TNMD: variants seen among roughly 807,000 people sequenced by gnomAD.
TNMD encodes tenomodulin.
In TNMD, 15 loss-of-function variants were observed where a neutral mutation model predicts 26.9. That is an observed-to-expected ratio of 0.56 (90% CI 0.37 to 0.86). TNMD has a LOEUF of 0.86. TNMD is among the 40% of genes least tolerant of loss of function. The pLI is 0.00. For missense variants in TNMD, 222 were observed against 242.6 expected (o/e 0.92, Z 0.56); for synonymous variants, 73 against 77.0 (o/e 0.95, Z 0.27).
chrX:100,586,366 G>A (rs2082921958), intron 2 of TNMD, among the ~76,000 whole-genome samples: 1 of 111,677 alleles, frequency 9.0e-6, no homozygotes, highest in African/African-American at 3.3e-5. Flanking sequence ...AATCCAGGAA[G>A]GAGGATGATA....
chrX:100,588,159 C>A (rs1477073603), intron 2 of TNMD, among the ~76,000 whole-genome samples: 1 of 111,563 alleles, frequency 9.0e-6, no homozygotes, highest in African/African-American at 3.3e-5. Context: ...CCAATAAGTC[C>A]TTCTCCTCAC....
chrX:100,596,757 G>T (rs2082954222), intron 4 of TNMD, among the ~76,000 whole-genome samples: 1 of 111,842 alleles, frequency 8.9e-6, no homozygotes, highest in South Asian at 3.7e-4. Context: ...GATTCCGGGA[G>T]AAATTAGTAA....
In TNMD at chrX:100,599,505, C is replaced by T. The variant is rs202030856; in HGVS notation, c.745-3C>T. The T allele has an allele frequency of 2.5e-6, 3 of 1,200,782 alleles. No individual in the cohort carries two copies. Among genetic ancestry groups the T allele is most frequent in the Non-Finnish European group, 3.4e-6 (3 of 889,751 alleles). On this transcript the variant is annotated splice_polypyrimidine_tract_variant and splice_region_variant and intron_variant, in intron 6 of 6. Transcript: ENST00000373031. ...CCCCAACACTGGCTTCTTCTTCTTT[C>T]AGACTGAAAATGGAATAGAATTTGA... is the stretch of plus-strand genomic sequence containing the variant.
At chrX:100,593,438 G>A (rs1219393907) in intron 2 of TNMD, 2 of 687,885 alleles carry the variant, frequency 2.9e-6, no homozygotes, top group South Asian at 7.6e-5. Flanking sequence ...AAAGTCTTCA[G>A]ATTCTAAAAG....
chrX:100,595,796 C>CT (rs1726535089), intron 4 of TNMD, among the ~76,000 whole-genome samples: 1 of 111,175 alleles, frequency 9.0e-6, no homozygotes, highest in East Asian at 2.8e-4. Flanking sequence ...AGTTTGGAGA[C>CT]TTTTTTTAAA....
intron 2 of TNMD, chrX:100,593,444 A>G: frequency 1.5e-6 from 1 of 673,139 alleles, no homozygotes; most frequent in Non-Finnish European, 1.8e-6. Flanking sequence ...TTCAGATTCT[A>G]AAAGGAATAG....
intron 2 of TNMD, among the ~76,000 whole-genome samples, chrX:100,591,440 T>C (rs1406127367): frequency 8.9e-6 from 1 of 111,935 alleles, no homozygotes; most frequent in Non-Finnish European, 1.9e-5. Flanking sequence ...GCCAAAGGCA[T>C]GAGCTCAGTC....
chrX:100,593,195 T>C (rs2082942882), intron 2 of TNMD: 4 of 217,544 alleles, frequency 1.8e-5, no homozygotes, highest in African/African-American at 3.0e-5. Context: ...GGAGGCTCCA[T>C]GTTACTTAAT....
At chrX:100,594,707 G>A (rs972940738) in intron 4 of TNMD, among the ~76,000 whole-genome samples, 2 of 111,842 alleles carry the variant, frequency 1.8e-5, no homozygotes, top group African/African-American at 6.5e-5. Flanking sequence ...TAAGAGGGAT[G>A]AGCCAGAGAA....
rs764455802 is a variant in TNMD at position 100,585,368 on chromosome X, T to C, written c.180+6T>C. The C allele has an allele frequency of 8.3e-7, 1 of 1,206,572 alleles. No individual in the cohort carries two copies. The highest frequency in any genetic ancestry group is 1.8e-5 in the South Asian group (1 of 55,704). On this transcript the variant is annotated splice_donor_region_variant and intron_variant, in intron 2 of 6. Coordinates refer to ENST00000373031, the MANE Select transcript of TNMD (RefSeq NM_022144.3). ...GGCCGGAGGTACCCAAAAAAGTAAGTAAATACACATCATAATCTGATGCTT... is the reference window on the plus strand; with the variant it reads ...GGCCGGAGGTACCCAAAAAAGTAAGCAAATACACATCATAATCTGATGCTT...
rs1375588725 is a variant in TNMD, at chrX:100,593,255, G to A, written c.181-640G>A. 9 of 643,157 alleles carry A rather than the reference G, an allele frequency of 1.4e-5. No homozygotes were observed. In the African/African-American group the frequency reaches 1.7e-4, roughly 12 times the overall value. 53.0% of individuals were successfully genotyped at this position (643,157 alleles called of 1,213,427 possible). A position where few individuals can be genotyped will look rare whatever the true frequency, so the allele number is the denominator to read the frequency against. On this transcript the variant is annotated intron_variant, in intron 2 of 6. Transcript: ENST00000373031. ...TAATTCCATATACACAAAAGAATCC[G>A]TAGAACTTGAAAACAACTGAATATG...
chrX:100,595,139 G>T lies in TNMD; in HGVS notation c.423+777G>T, dbSNP rs766190958. Among the ~76,000 whole-genome samples the T allele has an allele frequency of 5.8e-4, 65 of 111,852 alleles. No homozygotes were observed. The East Asian group carries it at 6.5e-3, about 11-fold the overall frequency. On this transcript the variant is annotated intron_variant, in intron 4 of 6. Transcript: ENST00000373031. Reference sequence around the variant, plus strand: ...GTTTTATTAGTGGGAGGAGAAGGGGGACCTCAGTTAAGGTCATATTGTGAC... The same window carrying T: ...GTTTTATTAGTGGGAGGAGAAGGGGTACCTCAGTTAAGGTCATATTGTGAC...
In TNMD at chrX:100,588,510, C is replaced by A. The variant is rs756679572; in HGVS notation, c.180+3148C>A. On this transcript the variant is annotated intron_variant, in intron 2 of 6. Transcript: ENST00000373031. Reference sequence around the variant, plus strand: ...GCTTTCTTAAACAAGCAGAAGAGACCTATTCAGTCCCAGCAATTTTGAGAA... The same window carrying A: ...GCTTTCTTAAACAAGCAGAAGAGACATATTCAGTCCCAGCAATTTTGAGAA... Among the ~76,000 whole-genome samples the A allele has an allele frequency of 8.1e-5, 9 of 111,157 alleles. No homozygotes were observed. In the East Asian group the frequency reaches 2.6e-3, roughly 32 times the overall value.
In TNMD at chrX:100,596,507, AT is replaced by A. The variant is rs1158102032; in HGVS notation, c.424-988del. Among the ~76,000 whole-genome samples, 21 of 109,953 alleles carry A rather than the reference AT, an allele frequency of 1.9e-4. No homozygotes were observed. The East Asian group carries it at 4.5e-3, about 24-fold the overall frequency. ...CTTGTTTTTTATATTCACGCCACAG[AT>A]TTTTTTTTAATGAGACAAATTTGTG... On this transcript the variant is annotated intron_variant, in intron 4 of 6. Transcript: ENST00000373031.
chrX:100,590,733 C>A (rs955835474), intron 2 of TNMD, among the ~76,000 whole-genome samples: 1 of 111,556 alleles, frequency 9.0e-6, no homozygotes, highest in African/African-American at 3.3e-5. Context: ...ATAGTTAAGG[C>A]CAGCCTTATG....
At position 100,585,346 on chromosome X, in the gene TNMD, C is replaced by T. The variant is rs769813716; in HGVS notation, c.164C>T (p.Pro55Leu). The change falls in exon 2 of 7, where the codon CCG (proline) becomes CTG (leucine). Residue 55 changes from proline to leucine, a missense_variant. Physicochemically the swap from Pro to Leu is moderately conservative, Grantham distance 98. Transcript: ENST00000373031. Reference protein sequence around the residue: ...VLFWGSKHFWPEVPKKAYDME... With the variant: ...VLFWGSKHFWLEVPKKAYDME... The stretch of plus-strand genomic sequence containing the variant: ...TTTTGGGGGAGCAAGCACTTCTGGC[C>T]GGAGGTACCCAAAAAAGTAAGTAAA... 13 of 1,209,267 alleles carry T rather than the reference C, an allele frequency of 1.1e-5. No individual in the cohort carries two copies. Among genetic ancestry groups the T allele is most frequent in the African/African-American group, 1.7e-5 (1 of 57,494 alleles).
intron 2 of TNMD, among the ~76,000 whole-genome samples, chrX:100,588,666 C>T (rs1488389013): frequency 8.9e-6 from 1 of 112,141 alleles, no homozygotes; most frequent in African/African-American, 3.2e-5. Context: ...GAAGCCAACT[C>T]CTCAGCTAAT....
At chrX:100,591,567 G>A (rs1045537627) in intron 2 of TNMD, among the ~76,000 whole-genome samples, 2 of 111,201 alleles carry the variant, frequency 1.8e-5, no homozygotes, top group Non-Finnish European at 3.8e-5. Flanking sequence ...GTCCAAAGTG[G>A]GCCACCAGCA....
At chrX:100,593,474 A>T (rs1036020830) in intron 2 of TNMD, 2 of 532,056 alleles carry the variant, frequency 3.8e-6, no homozygotes, top group Admixed American at 1.8e-4. Flanking sequence ...TGTTGTGGCA[A>T]TATTAAAGCC....
Sources: gnomAD v4.1 joint callset for allele counts (sites outside exome capture counted in the v4.1 genomes callset) on GRCh38, gnomAD v4.1.1 for gene constraint, MANE v1.5 for transcripts, NCBI Gene and HGNC (gene_info 2026-07-23, HGNC 2026-07-21) for gene names.